NRG1: variants seen among roughly 807,000 people sequenced by gnomAD.
NRG1 encodes the protein neuregulin 1.
A neutral mutation model predicts 63.8 loss-of-function variants in NRG1; 18 were observed. The observed-to-expected ratio is 0.28, with a 90% CI of 0.19 to 0.42. NRG1 has a LOEUF of 0.42. Among genes scored for constraint, NRG1 ranks in the 10% least tolerant of loss-of-function variants. The pLI is 1.00. For missense variants in NRG1, 762 were observed against 814.7 expected, an observed-to-expected ratio of 0.94 and a Z score of 0.79; for synonymous variants, 302 against 301.3, an observed-to-expected ratio of 1.00 and a Z score of -0.02.
intron 1 of NRG1, among the ~76,000 whole-genome samples, chr8:32,468,411 TATAA>T (rs1340005702): frequency 6.6e-6 from 1 of 152,192 alleles, no homozygotes; most frequent in Non-Finnish European, 1.5e-5. Context: ...AAAAGGGCCC[TATAA>T]ATAGTTACTT....
intron 1 of NRG1, among the ~76,000 whole-genome samples, chr8:32,163,416 T>C (rs1469988796): frequency 6.6e-6 from 1 of 152,190 alleles, no homozygotes; most frequent in Non-Finnish European, 1.5e-5. Context: ...TGTTTCTAAG[T>C]TATTGGGAGG....
intron 1 of NRG1, among the ~76,000 whole-genome samples, chr8:31,753,335 C>G (rs79661128): frequency 1.4e-5 from 2 of 144,732 alleles, no homozygotes; most frequent in Non-Finnish European, 3.0e-5. Flanking sequence ...AATCAGTCAT[C>G]AAAAAAAAAA....
In NRG1 at chr8:32,288,001, C is replaced by T. The variant is rs190148668; in HGVS notation, c.38-307827C>T. 1.9e-4 allele frequency among the ~76,000 whole-genome samples: 29 copies of T among 152,234 alleles called. No homozygotes were observed. In the East Asian group the frequency reaches 5.4e-3, roughly 28 times the overall value. ...AGTACACATTTTTGGTACACATATT[C>T]GTGGTACATATTTTCCAGCTGGCTT... On this transcript the variant is annotated intron_variant, in intron 1 of 10. Coordinates refer to the NRG1 transcript ENST00000519301.
chr8:32,559,183 A>G (rs1270912601), intron 1 of NRG1, among the ~76,000 whole-genome samples: 1 of 150,338 alleles, frequency 6.7e-6, no homozygotes, highest in East Asian at 2.0e-4. Flanking sequence ...ACAGAGAGAA[A>G]TAACCCTTTG....
chr8:32,686,005 A>G (rs1810014011), intron 5 of NRG1, among the ~76,000 whole-genome samples: 1 of 152,352 alleles, frequency 6.6e-6, no homozygotes. Context: ...CTATCTCCAG[A>G]AAAGATTTAT....
chr8:31,769,108 G>A lies in NRG1; in HGVS notation c.37+129677G>A, dbSNP rs370103190. Among the ~76,000 whole-genome samples the A allele has an allele frequency of 1.7e-4, 26 of 152,268 alleles. 1 individual carries two copies. Among genetic ancestry groups the A allele is most frequent in the African/African-American group, 5.8e-4 (24 of 41,568 alleles). On this transcript the variant is annotated intron_variant, in intron 1 of 10. Transcript: ENST00000519301. ...TTTCTCAACATTTTGCCAATTTTGT[G>A]TCATCTATTCCCCCCAATCATAACA...
At chr8:32,234,165 T>C (rs1156294370) in intron 1 of NRG1, among the ~76,000 whole-genome samples, 2 of 152,230 alleles carry the variant, frequency 1.3e-5, no homozygotes, top group Non-Finnish European at 2.9e-5. Flanking sequence ...TATGGAAAGA[T>C]TGAAGGTTGC....
intron 1 of NRG1, among the ~76,000 whole-genome samples, chr8:32,418,220 T>C (rs977923990): frequency 6.6e-6 from 1 of 152,146 alleles, no homozygotes; most frequent in African/African-American, 2.4e-5. Context: ...GGTATTCTTC[T>C]AGTCTAGTGC....
chr8:31,948,478 A>C (rs988797380), intron 1 of NRG1, among the ~76,000 whole-genome samples: 6 of 152,176 alleles, frequency 3.9e-5, no homozygotes, highest in African/African-American at 7.2e-5. Context: ...AGCTGCTTGG[A>C]TCTTGGCAGG....
At chr8:32,113,076 T>A (rs866446240) in intron 1 of NRG1, among the ~76,000 whole-genome samples, 14 of 152,270 alleles carry the variant, frequency 9.2e-5, no homozygotes, top group African/African-American at 3.1e-4. Flanking sequence ...ATGGGGGCTG[T>A]ACCACTGGGC....
At chr8:31,971,651 T>C (rs1027567814) in intron 1 of NRG1, among the ~76,000 whole-genome samples, 10 of 152,128 alleles carry the variant, frequency 6.6e-5, no homozygotes, top group Non-Finnish European at 1.5e-4. Context: ...ATCTTATCAT[T>C]GAGATTCACC....
rs1206575705 is a variant in NRG1 at position 32,650,765 on chromosome 8, T to G, written c.502+33880T>G. On this transcript the variant is annotated intron_variant, in intron 5 of 11. Transcript: ENST00000356819. ...TGGGACGTTCCTTTTCCCGTGCATG[T>G]TTTTGACATAAACTAAGCTGTCATG... 2.0e-5 allele frequency among the ~76,000 whole-genome samples: 3 copies of G among 152,094 alleles called. No homozygotes were observed. In the East Asian group the frequency reaches 5.8e-4, roughly 29 times the overall value.
At chr8:31,744,402 C>T (rs1586092677) in intron 1 of NRG1, among the ~76,000 whole-genome samples, 1 of 152,120 alleles carries the variant, frequency 6.6e-6, no homozygotes, top group South Asian at 2.1e-4. Flanking sequence ...TTTAAAATGT[C>T]CTAGACACCT....
chr8:31,899,533 A>G (rs908467707), intron 1 of NRG1, among the ~76,000 whole-genome samples: 4 of 152,170 alleles, frequency 2.6e-5, no homozygotes, highest in South Asian at 2.1e-4. Flanking sequence ...AATATTCAAG[A>G]TAGTGTTCCA....
chr8:31,877,507 G>T (rs984684259), intron 1 of NRG1, among the ~76,000 whole-genome samples: 6 of 151,766 alleles, frequency 4.0e-5, no homozygotes, highest in African/African-American at 1.4e-4. Context: ...GTATGAAATA[G>T]ATAATATATA....
intron 1 of NRG1, among the ~76,000 whole-genome samples, chr8:32,229,458 T>G (rs1259726861): frequency 6.6e-6 from 1 of 152,132 alleles, no homozygotes; most frequent in Non-Finnish European, 1.5e-5. Flanking sequence ...CTCATTCGTG[T>G]GCCTGCTTTA....
intron 1 of NRG1, among the ~76,000 whole-genome samples, chr8:31,684,372 A>G (rs1240236624): frequency 1.3e-5 from 2 of 152,222 alleles, no homozygotes; most frequent in African/African-American, 2.4e-5. Flanking sequence ...TGGCCCATCA[A>G]TCTCTTCTGC....
chr8:32,430,290 T>C (rs6989384), intron 1 of NRG1, among the ~76,000 whole-genome samples: 3,465 of 152,302 alleles, frequency 0.023, 130 homozygotes, highest in African/African-American at 0.079. Flanking sequence ...TTATGCTTAC[T>C]CATAAAACAG....
At chr8:32,537,917 T>G (rs1233117732) in intron 1 of NRG1, among the ~76,000 whole-genome samples, 3 of 152,094 alleles carry the variant, frequency 2.0e-5, no homozygotes, top group Non-Finnish European at 4.4e-5. Context: ...AGGGGCGAGA[T>G]CTCAGTTCAC....
Sources: allele counts gnomAD v4.1 joint callset (sites outside exome capture counted in the v4.1 genomes callset), GRCh38; gene constraint gnomAD v4.1.1; transcripts MANE v1.5; gene names NCBI Gene and HGNC (gene_info 2026-07-23, HGNC 2026-07-21).